ACTR1A: variants seen among roughly 807,000 people sequenced by gnomAD.
ACTR1A encodes actin related protein 1A, also known as alpha-centractin.
Under a neutral mutation model 50.7 loss-of-function variants are expected in ACTR1A, and 10 were observed. The ratio of observed to expected loss-of-function variants is 0.20; its 90% confidence interval spans 0.12 to 0.33. The LOEUF is 0.33. Among genes scored for constraint, ACTR1A ranks in the 10% least tolerant of loss-of-function variants. The pLI is 1.00. For synonymous variants in ACTR1A, 177 were observed against 184.2 expected, an observed-to-expected ratio of 0.96 and a Z score of 0.32; for missense variants, 253 against 491.7, an observed-to-expected ratio of 0.51 and a Z score of 4.59.
intron 5 of ACTR1A, 152 bp from the exon 6 acceptor site, chr10:102,484,528 A>G (rs2135580828): frequency 3.0e-6 from 2 of 670,538 alleles, no homozygotes; most frequent in Non-Finnish European, 5.1e-6. Context: ...AAGGAAGCCC[A>G]GGTGTTGGAG....
intron 9 of ACTR1A, among the ~76,000 whole-genome samples, chr10:102,481,624 G>T (rs1244665628): frequency 6.6e-6 from 1 of 152,176 alleles, no homozygotes; most frequent in Non-Finnish European, 1.5e-5. Context: ...TATTAGAACT[G>T]CCTGCCTTTG....
chr10:102,482,206 G>A lies in ACTR1A; in HGVS notation c.751-31C>T, dbSNP rs764260539. 10 of 1,604,606 alleles carry A rather than the reference G, an allele frequency of 6.2e-6. No individual in the cohort carries two copies. The highest frequency in any genetic ancestry group is 4.4e-5 in the South Asian group (4 of 91,024). The stretch of plus-strand genomic sequence containing the variant: ...GGTAGGAGGGCCAGCTGAAGAGGTC[G>A]GAGCTGGGACCAAGGTCCCTTTGGG... On this transcript the variant is annotated intron_variant, in intron 7 of 10. Transcript: ENST00000369905. The surrounding 1 kb of genome is among the most constrained non-coding windows in gnomAD (Gnocchi z 5.6).
At chr10:102,494,341 C>T (rs1344762607) in intron 1 of ACTR1A, among the ~76,000 whole-genome samples, 3 of 151,970 alleles carry the variant, frequency 2.0e-5, no homozygotes, top group Non-Finnish European at 2.9e-5. Context: ...ACAAAAAATA[C>T]CAAAAAGTTA....
chr10:102,499,829 C>T (rs2062238862), intron 1 of ACTR1A, among the ~76,000 whole-genome samples: 1 of 152,226 alleles, frequency 6.6e-6, no homozygotes, highest in South Asian at 2.1e-4. Flanking sequence ...ACTCAATTAT[C>T]TGCAGTAACT....
chr10:102,479,651 A>G lies in ACTR1A; in HGVS notation c.*1212T>C. 4 of 1,289,500 alleles carry G rather than the reference A, an allele frequency of 3.1e-6. No individual in the cohort carries two copies. Among genetic ancestry groups the G allele is most frequent in the Non-Finnish European group, 3.0e-6 (3 of 988,850 alleles). The allele number at this position is 1,289,500 out of a possible 1,614,324, so 79.9% of individuals were successfully genotyped here. ...AAGCAGGTCCAAGGTCAAGAATGGC[A>G]CAAGATCAGCCCAGAGGGGGCCTTC... is the stretch of plus-strand genomic sequence containing the variant. On this transcript the variant is annotated 3_prime_UTR_variant, in exon 11 of 11. Transcript: ENST00000369905. The surrounding 1 kb of genome is among the most constrained non-coding windows in gnomAD (Gnocchi z 4.0).
intron 1 of ACTR1A, among the ~76,000 whole-genome samples, chr10:102,496,994 C>A (rs1179867241): frequency 6.6e-6 from 1 of 152,090 alleles, no homozygotes; most frequent in South Asian, 2.1e-4. Flanking sequence ...GCCTGGCCAA[C>A]ATGGCAAAAC....
intron 1 of ACTR1A, among the ~76,000 whole-genome samples, chr10:102,498,548 A>G (rs868180922): frequency 6.6e-6 from 1 of 151,902 alleles, no homozygotes; most frequent in Admixed American, 6.6e-5. Flanking sequence ...GAGGTGCACG[A>G]TCTCACTGCA....
At chr10:102,496,634 C>T (rs769498717) in intron 1 of ACTR1A, among the ~76,000 whole-genome samples, 12 of 152,220 alleles carry the variant, frequency 7.9e-5, no homozygotes, top group Non-Finnish European at 1.6e-4. Context: ...GTACAACCAA[C>T]AGCCTGAATA....
At chr10:102,502,557 G>A in intron 1 of ACTR1A, 43 bp downstream of exon 1, 2 of 1,608,622 alleles carry the variant, frequency 1.2e-6, no homozygotes, top group Non-Finnish European at 1.7e-6. Flanking sequence ...CTTTCGAGGA[G>A]GAGAGCCCAA....
At chr10:102,483,876 C>G (rs1445329460) in intron 6 of ACTR1A, among the ~76,000 whole-genome samples, 1 of 152,092 alleles carries the variant, frequency 6.6e-6, no homozygotes, top group Non-Finnish European at 1.5e-5. Flanking sequence ...AAAACCAAAC[C>G]CTATGTAATT....
In ACTR1A at chr10:102,482,256, G is replaced by C; in HGVS notation, c.751-81C>G. The C allele has an allele frequency of 7.3e-7, 1 of 1,365,344 alleles. No individual in the cohort carries two copies. The highest frequency in any genetic ancestry group is 1.0e-6 in the Non-Finnish European group (1 of 978,686). The allele number at this position is 1,365,344 out of a possible 1,614,324, so 84.6% of individuals were successfully genotyped here. On this transcript the variant is annotated intron_variant, in intron 7 of 10. Transcript: ENST00000369905. The surrounding 1 kb of genome is among the most constrained non-coding windows in gnomAD (Gnocchi z 5.6). ...GAGTGGGAATGGAAGACGCCCCTCT[G>C]CACGTCACTTAGTAACTGGGTGGCT...
rs143096478 is a variant in ACTR1A, at chr10:102,483,668, G to A, written c.657+492C>T. Reference sequence around the variant, plus strand: ...AGCCTGATCAACATGGTGAAACCATGTCTCTGCTAAAAATACAAAAATTAG... The same window carrying A: ...AGCCTGATCAACATGGTGAAACCATATCTCTGCTAAAAATACAAAAATTAG... On this transcript the variant is annotated intron_variant, in intron 6 of 10. Coordinates refer to ENST00000369905, the MANE Select transcript of ACTR1A (RefSeq NM_005736.4). 8.2e-3 allele frequency: 1,382 copies of A among 168,202 alleles called. 18 individuals are homozygous for A. Among genetic ancestry groups the A allele is most frequent in the African/African-American group, 0.031 (1,301 of 41,806 alleles). The allele number at this position is 168,202 out of a possible 1,614,324, so 10.4% of individuals were successfully genotyped here.
Position 102,479,525 on chromosome 10 carries a change from C to A in ACTR1A, c.*1338G>T. The A allele has an allele frequency of 2.0e-6, 2 of 1,014,848 alleles. No individual in the cohort carries two copies. Among genetic ancestry groups the A allele is most frequent in the Non-Finnish European group, 2.7e-6 (2 of 752,370 alleles). The allele number at this position is 1,014,848 out of a possible 1,614,324, so 62.9% of individuals were successfully genotyped here. A position where few individuals can be genotyped will look rare whatever the true frequency, so the allele number is the denominator to read the frequency against. ...GCCGGTGAAGACAGGCTGGCCCCAG[C>A]TTTGCACCATCTAGGCTGAAGGCCT... On this transcript the variant is annotated 3_prime_UTR_variant, in exon 11 of 11. Coordinates refer to ENST00000369905, the MANE Select transcript of ACTR1A (RefSeq NM_005736.4). The surrounding 1 kb of genome is among the most constrained non-coding windows in gnomAD (Gnocchi z 4.0).
intron 1 of ACTR1A, among the ~76,000 whole-genome samples, chr10:102,496,334 G>A (rs1438613942): frequency 6.6e-6 from 1 of 152,194 alleles, no homozygotes. Flanking sequence ...CCTGGAAGAG[G>A]TGCCTTTCAG....
intron 1 of ACTR1A, among the ~76,000 whole-genome samples, chr10:102,499,983 C>T (rs1460008814): frequency 6.6e-6 from 1 of 152,048 alleles, no homozygotes; most frequent in Admixed American, 6.6e-5. Context: ...CCTAGGTATA[C>T]TGTGTGTGTG....
intron 2 of ACTR1A, among the ~76,000 whole-genome samples, 199 bp downstream of exon 2, chr10:102,490,349 AG>A (rs1306601692): frequency 6.6e-6 from 1 of 152,080 alleles, no homozygotes; most frequent in Non-Finnish European, 1.5e-5. Context: ...CAAAGCAATA[AG>A]TTACCAATGA....
chr10:102,495,567 TA>T (rs996273029), intron 1 of ACTR1A, among the ~76,000 whole-genome samples: 273 of 126,998 alleles, frequency 2.1e-3, no homozygotes, highest in Admixed American at 2.6e-3. Flanking sequence ...AGACTCCATC[TA>T]AAAAAAAAAA....
intron 1 of ACTR1A, among the ~76,000 whole-genome samples, chr10:102,495,269 T>G (rs996718508): frequency 1.3e-5 from 2 of 151,608 alleles, no homozygotes; most frequent in African/African-American, 4.9e-5. Context: ...AAAAAATATA[T>G]ACAAAAAATT....
At position 102,480,870 on chromosome 10, in the gene ACTR1A, G is replaced by A. The variant is rs2062135744; in HGVS notation, c.1124C>T (p.Thr375Ile). ...GAAGATGATGTCCCGACATTAGAAGGTTTTTCTGTGGATGGATCGGGCACC... is the reference window on the plus strand; with the variant it reads ...GAAGATGATGTCCCGACATTAGAAGATTTTTCTGTGGATGGATCGGGCACC... Reference protein sequence around the residue: ...EDGARSIHRKTF With the variant: ...EDGARSIHRKIF Residue 375 changes from threonine to isoleucine, a missense_variant, in exon 11 of 11, where the codon ACC becomes ATC. Around this residue, in one of 4 missense-constraint regions of ACTR1A, gnomAD observed 14 missense variants for 16.3 expected, o/e 0.86. Coordinates refer to ENST00000369905, the MANE Select transcript of ACTR1A (RefSeq NM_005736.4). 1.2e-6 allele frequency: 2 copies of A among 1,612,054 alleles called. No homozygotes were observed. Among genetic ancestry groups the A allele is most frequent in the Non-Finnish European group, 1.7e-6 (2 of 1,178,294 alleles).
Sources: allele counts gnomAD v4.1 joint callset (sites outside exome capture counted in the v4.1 genomes callset), GRCh38; gene constraint gnomAD v4.1.1; regional missense constraint gnomAD v4.1.1; non-coding constraint Gnocchi (gnomAD v3.1); transcripts MANE v1.5; gene names NCBI Gene and HGNC (gene_info 2026-07-23, HGNC 2026-07-21).